The following DNAH8 variants were observed in gnomAD, a reference collection of about 807,000 sequenced individuals.
DNAH8 encodes the protein axonemal beta dynein heavy chain 8.
Under a neutral mutation model 562.1 loss-of-function variants are expected in DNAH8, and 382 were observed. That is an observed-to-expected ratio of 0.68 (90% confidence interval 0.63 to 0.74). DNAH8 has a LOEUF of 0.74. Ranked by LOEUF, DNAH8 falls within the 30% of genes least tolerant of loss-of-function variation. The pLI, the probability that DNAH8 is intolerant of heterozygous loss-of-function variation, is 0.00. For synonymous variants in DNAH8, 1,881 were observed against 1,919.4 expected, an observed-to-expected ratio of 0.98 and a Z score of 0.52; for missense variants, 5,203 against 5,620.4, an observed-to-expected ratio of 0.93 and a Z score of 2.37.
chr6:38,750,702 C>T, intron 9 of DNAH8, 113 bp downstream of exon 9: 1 of 566,490 alleles, frequency 1.8e-6, no homozygotes, highest in Non-Finnish European at 3.1e-6. Flanking sequence ...GAGTGCAAGG[C>T]TGCAGTGAGC....
chr6:38,998,056 C>A (rs1765258465), intron 88 of DNAH8, among the ~76,000 whole-genome samples: 1 of 152,172 alleles, frequency 6.6e-6, no homozygotes, highest in Non-Finnish European at 1.5e-5. Flanking sequence ...CGGTGCCCAG[C>A]CATCACTTGA....
chr6:38,798,027 G>A (rs964667310), intron 21 of DNAH8, among the ~76,000 whole-genome samples: 1 of 151,476 alleles, frequency 6.6e-6, no homozygotes. Flanking sequence ...GCAGTGAGCC[G>A]AGACCGTGTC....
At chr6:38,895,079 C>T (rs559227443) in intron 59 of DNAH8, among the ~76,000 whole-genome samples, 15 of 152,204 alleles carry the variant, frequency 9.9e-5, no homozygotes, top group African/African-American at 3.6e-4. Flanking sequence ...CAGGCATGCA[C>T]CACCATGGCC....
chr6:38,752,572 T>C (rs1765558918), intron 9 of DNAH8, among the ~76,000 whole-genome samples: 1 of 152,116 alleles, frequency 6.6e-6, no homozygotes, highest in Non-Finnish European at 1.5e-5. Flanking sequence ...GGCCACATGG[T>C]TTTGTTGACC....
intron 87 of DNAH8, among the ~76,000 whole-genome samples, chr6:38,989,160 A>G (rs898064263): frequency 6.6e-6 from 1 of 152,204 alleles, no homozygotes; most frequent in Non-Finnish European, 1.5e-5. Flanking sequence ...CGTGTGACCA[A>G]CCAGAGGAAG....
At chr6:39,007,945 A>ACC (rs528193179) in intron 88 of DNAH8, among the ~76,000 whole-genome samples, 8 of 51,054 alleles carry the variant, frequency 1.6e-4, no homozygotes, top group Non-Finnish European at 3.1e-4. Context: ...CCCCCCACCC[A>ACC]CCCACACACA....
At chr6:38,970,090 A>G (rs1763233963) in intron 82 of DNAH8, among the ~76,000 whole-genome samples, 1 of 152,176 alleles carries the variant, frequency 6.6e-6, no homozygotes, top group Admixed American at 6.5e-5. Flanking sequence ...GGATCAAGCA[A>G]CAACTGTCCC....
chr6:39,025,840 C>T (rs1767237978), intron 91 of DNAH8, among the ~76,000 whole-genome samples: 1 of 133,456 alleles, frequency 7.5e-6, no homozygotes, highest in African/African-American at 2.5e-5. Context: ...GTTTTGAAGT[C>T]CAGTTTGAAG....
chr6:38,738,604 A>G (rs1462475008), intron 7 of DNAH8, among the ~76,000 whole-genome samples: 1 of 152,216 alleles, frequency 6.6e-6, no homozygotes. Flanking sequence ...TCTCTAGTTC[A>G]TCAGCACAGG....
chr6:38,725,749 TTGA>T (rs1236184595), intron 3 of DNAH8, among the ~76,000 whole-genome samples: 1 of 152,196 alleles, frequency 6.6e-6, no homozygotes. Flanking sequence ...TATGCTTGGT[TTGA>T]TGATCTTTTG....
intron 21 of DNAH8, among the ~76,000 whole-genome samples, chr6:38,793,740 A>T (rs1430146516): frequency 1.3e-5 from 2 of 152,084 alleles, no homozygotes; most frequent in Non-Finnish European, 2.9e-5. Context: ...TTTTTCAAAT[A>T]TATGTGATCT....
chr6:38,963,106 TC>T (rs368359308), intron 82 of DNAH8, among the ~76,000 whole-genome samples: 3 of 151,124 alleles, frequency 2.0e-5, no homozygotes, highest in African/African-American at 2.4e-5. Context: ...CACAACCTGT[TC>T]CCCCCAAAAC....
chr6:38,935,763 C>G (rs1031076967), intron 77 of DNAH8, 66 bp downstream of exon 77: 2 of 1,180,020 alleles, frequency 1.7e-6, no homozygotes, highest in Non-Finnish European at 2.5e-6. Context: ...ACACTCTTTT[C>G]AATGCCCTCA....
At position 38,921,404 on chromosome 6, in the gene DNAH8, T is replaced by C. The variant is rs777895780; in HGVS notation, c.10560T>C (p.Val3520=). The change falls in exon 71 of 93, where the codon GTT becomes GTC. Residue 3520 remains valine (V), a synonymous_variant. Coordinates refer to ENST00000327475, the MANE Select transcript of DNAH8 (RefSeq NM_001206927.2). The part of the protein sequence containing the change: ...NLAKQEGRLA[V]ANAELGKAQA... ...CCAAGCAGGAAGGCCGGTTAGCAGT[T>C]GCTAATGCTGAGTTAGGGAAGGCAC... 3 of 1,613,760 alleles carry C rather than the reference T, an allele frequency of 1.9e-6. No homozygotes were observed. Among genetic ancestry groups the C allele is most frequent in the Non-Finnish European group, 2.5e-6 (3 of 1,179,864 alleles).
chr6:38,825,490 C>G (rs1773232899), intron 28 of DNAH8, among the ~76,000 whole-genome samples: 1 of 152,090 alleles, frequency 6.6e-6, no homozygotes, highest in African/African-American at 2.4e-5. Context: ...CAGAATAGAC[C>G]AGAATCAGGG....
chr6:38,994,111 A>G (rs1172364778), intron 88 of DNAH8, among the ~76,000 whole-genome samples: 1 of 152,214 alleles, frequency 6.6e-6, no homozygotes, highest in Non-Finnish European at 1.5e-5. Flanking sequence ...ACAGTGAGAA[A>G]TGTTATCTCA....
chr6:38,983,999 A>G lies in DNAH8; in HGVS notation c.12952-207A>G, dbSNP rs2297422. On this transcript the variant is annotated intron_variant, in intron 86 of 92. Transcript: ENST00000327475. ...TGCAATATACTTACCAGTGTTTAGTATTGTAGATTTTTTCTTGGTGAACAA... is the reference window on the plus strand; with the variant it reads ...TGCAATATACTTACCAGTGTTTAGTGTTGTAGATTTTTTCTTGGTGAACAA... 0.11 allele frequency among the ~76,000 whole-genome samples: 16,545 copies of G among 152,148 alleles called. 1,044 individuals are homozygous for G. The highest frequency in any genetic ancestry group is 0.19 in the Admixed American group (2,938 of 15,282).
Position 38,872,546 on chromosome 6 carries a change from C to A in DNAH8, c.7001C>A (p.Thr2334Lys). ...WNLKLVQLYE[T>K]SLVRHGLMTL... ...TGGTTAATTGTGTAGTTATATGAGA[C>A]GTCTTTGGTACGGCATGGCTTGATG... Residue 2334 changes from threonine (T) to lysine (K), a missense_variant, in exon 50 of 93, where the codon ACG (threonine) becomes AAG (lysine). By Grantham distance (78) the Thr-to-Lys change is moderately conservative. This residue lies in a region of DNAH8 where 2,176 missense variants were observed against 2,365.1 expected (regional missense o/e 0.92). Transcript: ENST00000327475. 6.2e-7 allele frequency: 1 copy of A among 1,613,772 alleles called. No individual in the cohort carries two copies. Among genetic ancestry groups the A allele is most frequent in the Non-Finnish European group, 8.5e-7 (1 of 1,179,780 alleles).
chr6:38,976,739 CTA>C (rs1463077303), intron 85 of DNAH8, among the ~76,000 whole-genome samples: 2 of 152,168 alleles, frequency 1.3e-5, no homozygotes, highest in African/African-American at 4.8e-5. Context: ...TTTTCTCTCT[CTA>C]GTGTTGAGTA....
Sources: gnomAD v4.1 joint callset for allele counts (sites outside exome capture counted in the v4.1 genomes callset) on GRCh38, gnomAD v4.1.1 for gene constraint, gnomAD v4.1.1 regional missense constraint, MANE v1.5 for transcripts, NCBI Gene and HGNC (gene_info 2026-07-23, HGNC 2026-07-21) for gene names.